SH3GL1: variants seen among roughly 807,000 people sequenced by gnomAD.
The protein encoded by SH3GL1 is SH3 domain containing GRB2 like 1, endophilin A2.
A neutral mutation model predicts 48.8 loss-of-function variants in SH3GL1; 21 were observed. That is an observed-to-expected ratio of 0.43 (90% CI 0.30 to 0.62). The LOEUF is 0.62. Ranked by LOEUF, SH3GL1 falls within the 20% of genes least tolerant of loss-of-function variation. The pLI, the probability that SH3GL1 is intolerant of heterozygous loss-of-function variation, is 0.11. For synonymous variants in SH3GL1, 282 were observed against 217.5 expected (o/e 1.30, Z -2.61); for missense variants, 454 against 503.0 (o/e 0.90, Z 0.93).
intron 1 of SH3GL1, among the ~76,000 whole-genome samples, chr19:4,377,720 C>T (rs886748858): frequency 2.6e-5 from 4 of 152,176 alleles, no homozygotes; most frequent in Non-Finnish European, 4.4e-5. Context: ...GCATGGGTGC[C>T]CCTGGCCGCT....
At chr19:4,365,390 A>C in intron 4 of SH3GL1, 92 bp downstream of exon 4, 14 of 1,535,830 alleles carry the variant, frequency 9.1e-6, no homozygotes, top group Non-Finnish European at 1.3e-5. Context: ...CGTCCCCGGC[A>C]CTCAGCACAT....
intron 6 of SH3GL1, 33 bp downstream of exon 6, chr19:4,363,687 T>C (rs186220368): frequency 6.2e-7 from 1 of 1,611,634 alleles, no homozygotes. Flanking sequence ...AGGGCATAGG[T>C]CTTCTCAGGA....
At chr19:4,361,892 G>GC in intron 9 of SH3GL1, 96 bp from the exon 10 acceptor site, 1 of 894,404 alleles carries the variant, frequency 1.1e-6, no homozygotes, top group Non-Finnish European at 1.8e-6. Context: ...CGTGTGGGTG[G>GC]GCATGGGCCT....
intron 1 of SH3GL1, among the ~76,000 whole-genome samples, chr19:4,377,322 G>A (rs1433830603): frequency 6.6e-6 from 1 of 152,254 alleles, no homozygotes; most frequent in Non-Finnish European, 1.5e-5. Flanking sequence ...CTGGCTGCCA[G>A]CAGGGAGGAG....
intron 1 of SH3GL1, among the ~76,000 whole-genome samples, chr19:4,381,367 GTCTCCCATCTGTCCCCTCTGCCTC>G: frequency 1.4e-5 from 1 of 69,408 alleles, no homozygotes; most frequent in Non-Finnish European, 2.7e-5. Context: ...CCCTCTGCCT[GTCTCCCATCTGTCCCCTCTGCCTC>G]TCTCTGTCCC....
At chr19:4,388,940 G>C (rs1292892189) in intron 1 of SH3GL1, among the ~76,000 whole-genome samples, 2 of 152,192 alleles carry the variant, frequency 1.3e-5, no homozygotes, top group East Asian at 3.8e-4. Flanking sequence ...GATTTTTTCA[G>C]AGCAGTCGGA....
At position 4,363,471 on chromosome 19, in the gene SH3GL1, G is replaced by T. The variant is rs147741212; in HGVS notation, c.627C>A (p.Ile209=). The T allele has an allele frequency of 3.2e-5, 51 of 1,611,080 alleles. No individual in the cohort carries two copies. In the South Asian group the frequency reaches 5.1e-4, roughly 16 times the overall value. The change falls in exon 7 of 10, where the codon ATC becomes ATA. Residue 209 remains isoleucine, a splice_region_variant and synonymous_variant. Transcript: ENST00000269886. ...GGGCCGAGAGCTGACTCACCTGCTC[G>T]ATCTGTGGGGACAGTAGGGCTCAGG... The part of the protein sequence containing the change: ...TSMHNLLETD[I]EQVSQLSALV...
At chr19:4,385,215 G>C (rs370999792) in intron 1 of SH3GL1, among the ~76,000 whole-genome samples, 14 of 152,180 alleles carry the variant, frequency 9.2e-5, no homozygotes, top group African/African-American at 3.4e-4. Context: ...GTGAACGTGC[G>C]CAGTGAAGGC....
In SH3GL1 at chr19:4,367,547, G is replaced by A. The variant is rs1350316485; in HGVS notation, c.46-553C>T. ...TGTGCTCTGGTGCCCGTGTCTGCAG[G>A]ATGGGACAGCCCAGCCCTTGCCCCA... is the stretch of plus-strand genomic sequence containing the variant. On this transcript the variant is annotated intron_variant, in intron 1 of 9. Coordinates refer to ENST00000269886, the MANE Select transcript of SH3GL1 (RefSeq NM_003025.4). This position sits in a 1 kb window ranked among gnomAD's most constrained non-coding sequence, Gnocchi z 4.2. 6.6e-6 allele frequency among the ~76,000 whole-genome samples: 1 copy of A among 152,172 alleles called. No individual in the cohort carries two copies. The highest frequency in any genetic ancestry group is 1.5e-5 in the Non-Finnish European group (1 of 68,028).
chr19:4,387,923 G>A lies in SH3GL1; in HGVS notation c.45+12401C>T, dbSNP rs187257682. ...TCGCCAGGCTGGAGTGCACTGGCGC[G>A]ATCTCAGCTCACTGCAACCTCTGCC... On this transcript the variant is annotated intron_variant, in intron 1 of 9. Transcript: ENST00000269886. Among the ~76,000 whole-genome samples, 521 of 151,928 alleles carry A rather than the reference G, an allele frequency of 3.4e-3. 1 individual carries two copies. The highest frequency in any genetic ancestry group is 4.8e-3 in the Non-Finnish European group (324 of 67,956).
chr19:4,382,539 G>C (rs958009639), intron 1 of SH3GL1, among the ~76,000 whole-genome samples: 4 of 151,682 alleles, frequency 2.6e-5, no homozygotes, highest in Non-Finnish European at 5.9e-5. Context: ...TTACAGGCGT[G>C]AGCCACCGCG....
At chr19:4,394,962 T>C (rs1032424637) in intron 1 of SH3GL1, among the ~76,000 whole-genome samples, 1 of 152,252 alleles carries the variant, frequency 6.6e-6, no homozygotes, top group Non-Finnish European at 1.5e-5. Context: ...GTCTCCGACA[T>C]TGCCAAGCCA....
chr19:4,379,566 C>G lies in SH3GL1; in HGVS notation c.46-12572G>C, dbSNP rs143832063. Among the ~76,000 whole-genome samples the G allele has an allele frequency of 1.4e-4, 21 of 152,270 alleles. No homozygotes were observed. In the East Asian group the frequency reaches 4.0e-3, roughly 29 times the overall value. ...CCCCAGGCAGCTGCCACAGCCGCTG[C>G]GCCCTCTCTCCTGTTTCCCAATCAA... is the stretch of plus-strand genomic sequence containing the variant. On this transcript the variant is annotated intron_variant, in intron 1 of 9. Coordinates refer to ENST00000269886, the MANE Select transcript of SH3GL1 (RefSeq NM_003025.4).
intron 1 of SH3GL1, among the ~76,000 whole-genome samples, chr19:4,398,837 T>C (rs982647506): frequency 1.3e-5 from 2 of 152,186 alleles, no homozygotes; most frequent in African/African-American, 4.8e-5. Flanking sequence ...TAGGCTGGGA[T>C]GCAGCATTCT....
chr19:4,369,248 C>T (rs905174082), intron 1 of SH3GL1, among the ~76,000 whole-genome samples: 15 of 152,302 alleles, frequency 9.8e-5, no homozygotes, highest in African/African-American at 3.1e-4. Flanking sequence ...GTTTTTGGGG[C>T]GTTCCACTCT....
At chr19:4,365,765 C>T in intron 3 of SH3GL1, 140 bp from the exon 4 acceptor site, 1 of 1,226,958 alleles carries the variant, frequency 8.2e-7, no homozygotes, top group Non-Finnish European at 1.2e-6. Context: ...ACAGTGGAAT[C>T]CCCAGAGGGT....
intron 1 of SH3GL1, among the ~76,000 whole-genome samples, chr19:4,381,038 C>G (rs1280542480): frequency 6.6e-6 from 1 of 151,284 alleles, no homozygotes; most frequent in East Asian, 1.9e-4. Context: ...GGCCTCCTCT[C>G]CCTCTCTCTG....
intron 1 of SH3GL1, among the ~76,000 whole-genome samples, chr19:4,388,820 G>A (rs973302936): frequency 1.3e-5 from 2 of 152,232 alleles, no homozygotes; most frequent in African/African-American, 4.8e-5. Context: ...GTCAGAGACT[G>A]CCTGTGACAC....
At chr19:4,377,479 C>A (rs1053554885) in intron 1 of SH3GL1, among the ~76,000 whole-genome samples, 3 of 152,238 alleles carry the variant, frequency 2.0e-5, no homozygotes, top group African/African-American at 7.2e-5. Flanking sequence ...CCCATGGTGG[C>A]CCACAGTCAC....
Sources: allele counts gnomAD v4.1 joint callset (sites outside exome capture counted in the v4.1 genomes callset), GRCh38; gene constraint gnomAD v4.1.1; non-coding constraint Gnocchi (gnomAD v3.1); transcripts MANE v1.5; gene names NCBI Gene and HGNC (gene_info 2026-07-23, HGNC 2026-07-21).